The following FAT3 variants were observed in gnomAD, a reference collection of about 807,000 sequenced individuals.
FAT3 encodes the protein protocadherin Fat 3.
A neutral mutation model predicts 310.2 loss-of-function variants in FAT3; 95 were observed. The ratio of observed to expected loss-of-function variants is 0.31; its 90% confidence interval spans 0.26 to 0.36. The LOEUF is 0.36. Ranked by LOEUF, FAT3 falls within the 10% of genes least tolerant of loss-of-function variation. The probability of loss-of-function intolerance (pLI) is 1.00; values close to 1 mark genes in which losing one functional copy is unlikely to be tolerated. For missense variants in FAT3, 5,408 were observed against 5,715.6 expected (o/e 0.95, Z 1.74); for synonymous variants, 2,314 against 2,192.9 (o/e 1.06, Z -1.54).
intron 2 of FAT3, among the ~76,000 whole-genome samples, chr11:92,460,709 A>G (rs1459197638): frequency 1.3e-5 from 2 of 152,226 alleles, no homozygotes; most frequent in Non-Finnish European, 2.9e-5. Context: ...AGTGACTTTC[A>G]TACCCTGCAG....
intron 2 of FAT3, among the ~76,000 whole-genome samples, chr11:92,449,325 C>T (rs1245387189): frequency 1.3e-5 from 2 of 152,118 alleles, no homozygotes; most frequent in African/African-American, 2.4e-5. Context: ...GGCAGATGTA[C>T]GCACCAGTCA....
intron 21 of FAT3, among the ~76,000 whole-genome samples, chr11:92,859,775 A>T (rs1949076513): frequency 6.6e-6 from 1 of 152,180 alleles, no homozygotes; most frequent in Non-Finnish European, 1.5e-5. Context: ...TCCTATCATG[A>T]CCCAAGTAGC....
chr11:92,561,713 C>T (rs1955232761), intron 3 of FAT3, among the ~76,000 whole-genome samples: 1 of 152,150 alleles, frequency 6.6e-6, no homozygotes, highest in South Asian at 2.1e-4. Flanking sequence ...GCAGCCTCCA[C>T]CTCCAGGGTT....
chr11:92,591,123 C>A (rs1182188958), intron 3 of FAT3, among the ~76,000 whole-genome samples: 1 of 152,088 alleles, frequency 6.6e-6, no homozygotes, highest in Non-Finnish European at 1.5e-5. Flanking sequence ...TGAAATAATT[C>A]TATTTCCAAG....
intron 1 of FAT3, among the ~76,000 whole-genome samples, chr11:92,347,542 T>G (rs1332852531): frequency 6.6e-6 from 1 of 152,148 alleles, no homozygotes; most frequent in Non-Finnish European, 1.5e-5. Flanking sequence ...AAAGCAAGCA[T>G]AGGTACCCTA....
At chr11:92,430,243 T>A (rs1367517973) in intron 2 of FAT3, among the ~76,000 whole-genome samples, 1 of 152,192 alleles carries the variant, frequency 6.6e-6, no homozygotes, top group African/African-American at 2.4e-5. Flanking sequence ...TTTATGTTCT[T>A]CTCTAGACTG....
chr11:92,614,853 T>A (rs77709897), intron 3 of FAT3, among the ~76,000 whole-genome samples: 3 of 152,240 alleles, frequency 2.0e-5, no homozygotes, highest in Non-Finnish European at 4.4e-5. Flanking sequence ...TACATTTAGA[T>A]CTATGATTCA....
intron 4 of FAT3, among the ~76,000 whole-genome samples, chr11:92,723,496 A>G (rs1033453747): frequency 3.3e-5 from 5 of 151,822 alleles, no homozygotes; most frequent in South Asian, 2.1e-4. Flanking sequence ...AATTGTTCCA[A>G]CCTCTGCCTG....
At chr11:92,861,662 C>G (rs2136333246) in intron 21 of FAT3, among the ~76,000 whole-genome samples, 1 of 152,338 alleles carries the variant, frequency 6.6e-6, no homozygotes, top group East Asian at 1.9e-4. Context: ...AAGCAGGACA[C>G]AGCTGTACTA....
chr11:92,354,132 G>A lies in FAT3; in HGVS notation c.2020G>A (p.Gly674Arg), dbSNP rs377153421. The change falls in exon 2 of 28, where the codon GGG (glycine) becomes AGG (arginine). Residue 674 changes from glycine (G) to arginine (R), a missense_variant. Around this residue, in one of 5 missense-constraint regions of FAT3, gnomAD observed 4,588 missense variants for 4,809.8 expected, o/e 0.95. Coordinates refer to ENST00000525166, the MANE Select transcript of FAT3 (RefSeq NM_001367949.2). ...PMSINISVLH[G>R]KVSSKSFSCR... The stretch of plus-strand genomic sequence containing the variant: ...GTCTATTAACATTTCAGTCCTACAT[G>A]GGAAAGTGTCTTCAAAGAGCTTCAG... The A allele has an allele frequency of 1.5e-5, 25 of 1,613,676 alleles. No homozygotes were observed. Among genetic ancestry groups the A allele is most frequent in the South Asian group, 4.4e-5 (4 of 91,072 alleles).
chr11:92,293,485 G>T (rs920156964), intron 1 of FAT3, among the ~76,000 whole-genome samples: 18 of 138,796 alleles, frequency 1.3e-4, no homozygotes, highest in African/African-American at 4.6e-4. Flanking sequence ...TATATAACCA[G>T]TTTTCAATTT....
At chr11:92,824,595 A>T (rs1410860477) in intron 13 of FAT3, among the ~76,000 whole-genome samples, 1 of 152,162 alleles carries the variant, frequency 6.6e-6, no homozygotes, top group African/African-American at 2.4e-5. Context: ...TGAGTATTTG[A>T]TTGCACTCCA....
rs528571449 is a variant in FAT3 at position 92,245,429 on chromosome 11, A to G, written c.-18+20255A>G. The stretch of plus-strand genomic sequence containing the variant: ...TGGGTGCAGCAAACCACCATGGCAC[A>G]TGTATACCTATGTAACAAACCTGCA... On this transcript the variant is annotated intron_variant, in intron 1 of 27. Transcript: ENST00000525166. Among the ~76,000 whole-genome samples the G allele has an allele frequency of 7.2e-5, 11 of 152,226 alleles. No homozygotes were observed. In the South Asian group the frequency reaches 2.3e-3, roughly 32 times the overall value.
intron 1 of FAT3, among the ~76,000 whole-genome samples, chr11:92,310,630 AG>A (rs1591088004): frequency 6.6e-6 from 1 of 151,760 alleles, no homozygotes; most frequent in African/African-American, 2.4e-5. Flanking sequence ...TTACCTGAAA[AG>A]TATGTGTGTA....
rs775630687 is a variant in FAT3, at chr11:92,353,558, T to C, written c.1446T>C (p.Asn482=). Residue 482 remains asparagine, a synonymous_variant, in exon 2 of 28, where the codon AAT becomes AAC. Coordinates refer to ENST00000525166, the MANE Select transcript of FAT3 (RefSeq NM_001367949.2). ...AACCACTGTATGATGCTTATGTGAA[T>C]GAAAGTGTCCCAGTGGGAACCAGCG... ...FQQPLYDAYV[N]ESVPVGTSVL... is the part of the protein sequence containing the mutation. 16 of 1,613,814 alleles carry C rather than the reference T, an allele frequency of 9.9e-6. No homozygotes were observed. The Admixed American group carries it at 2.7e-4, about 27-fold the overall frequency.
At chr11:92,682,035 A>G (rs150425176) in intron 3 of FAT3, among the ~76,000 whole-genome samples, 8 of 152,338 alleles carry the variant, frequency 5.3e-5, no homozygotes, top group African/African-American at 1.4e-4. Flanking sequence ...ATAGTGAAAG[A>G]TAAAATTTAA....
At chr11:92,657,705 A>G (rs544717846) in intron 3 of FAT3, among the ~76,000 whole-genome samples, 2 of 152,372 alleles carry the variant, frequency 1.3e-5, no homozygotes, top group African/African-American at 2.4e-5. Flanking sequence ...AATACTTTCA[A>G]ATATTTCATC....
chr11:92,845,064 G>A (rs1948653203), intron 19 of FAT3, among the ~76,000 whole-genome samples: 1 of 152,198 alleles, frequency 6.6e-6, no homozygotes, highest in Non-Finnish European at 1.5e-5. Context: ...TAGGAATCAG[G>A]GTAGGGGAGG....
chr11:92,297,347 T>C (rs1946876509), intron 1 of FAT3, among the ~76,000 whole-genome samples: 1 of 152,152 alleles, frequency 6.6e-6, no homozygotes. Flanking sequence ...GTTAGTTTTA[T>C]ATCACCCCTA....
Sources: gnomAD v4.1 joint callset for allele counts (sites outside exome capture counted in the v4.1 genomes callset) on GRCh38, gnomAD v4.1.1 for gene constraint, gnomAD v4.1.1 regional missense constraint, MANE v1.5 for transcripts, NCBI Gene and HGNC (gene_info 2026-07-23, HGNC 2026-07-21) for gene names.